The following APAF1 variants were observed in gnomAD, a reference collection of about 807,000 sequenced individuals.
APAF1 encodes apoptotic protease-activating factor 1.
Under a neutral mutation model 152.4 loss-of-function variants are expected in APAF1, and 91 were observed. That is an observed-to-expected ratio of 0.60 (90% CI 0.50 to 0.71). The LOEUF (loss-of-function observed/expected upper bound fraction) is 0.71, where lower values mean the gene tolerates loss of function less well. Ranked by LOEUF, APAF1 falls within the 30% of genes least tolerant of loss-of-function variation. APAF1 has a pLI of 0.00. For synonymous variants in APAF1, 484 were observed against 494.1 expected (o/e 0.98, Z 0.27); for missense variants, 1,283 against 1,472.0 (o/e 0.87, Z 2.10).
chr12:98,684,062 T>G (rs1466807028), intron 15 of APAF1, among the ~76,000 whole-genome samples: 5 of 152,212 alleles, frequency 3.3e-5, no homozygotes, highest in Non-Finnish European at 4.4e-5. Context: ...CTTTCTTCCT[T>G]GATACCATAC....
chr12:98,710,270 G>A (rs533051534), intron 20 of APAF1, among the ~76,000 whole-genome samples: 60 of 149,266 alleles, frequency 4.0e-4, no homozygotes, highest in African/African-American at 1.1e-3. Flanking sequence ...TGAAGAGCAC[G>A]AATACAGCTT....
At chr12:98,702,391 G>A (rs890339250) in intron 17 of APAF1, among the ~76,000 whole-genome samples, 1 of 151,986 alleles carries the variant, frequency 6.6e-6, no homozygotes, top group Non-Finnish European at 1.5e-5. Context: ...AGCTCCCACT[G>A]GAAGCTTTTT....
At chr12:98,660,143 C>T (rs753697604) in intron 5 of APAF1, among the ~76,000 whole-genome samples, 12 of 152,160 alleles carry the variant, frequency 7.9e-5, no homozygotes, top group East Asian at 3.9e-4. Flanking sequence ...TCCAGGAGTT[C>T]GAGACCAGCA....
intron 16 of APAF1, 45 bp downstream of exon 16, chr12:98,686,918 G>C (rs1168883029): frequency 6.3e-7 from 1 of 1,588,010 alleles, no homozygotes; most frequent in Admixed American, 1.7e-5. Flanking sequence ...TTTATGGAAA[G>C]TCTTATGATT....
intron 13 of APAF1, among the ~76,000 whole-genome samples, chr12:98,678,584 G>C (rs1472168961): frequency 1.3e-5 from 2 of 152,228 alleles, no homozygotes; most frequent in African/African-American, 4.8e-5. Flanking sequence ...AGAGCAGGCA[G>C]GACCCCTTCC....
intron 16 of APAF1, among the ~76,000 whole-genome samples, chr12:98,697,224 A>G (rs2097710890): frequency 6.8e-6 from 1 of 147,558 alleles, no homozygotes; most frequent in Non-Finnish European, 1.5e-5. Flanking sequence ...GAGTAGAGTG[A>G]GGTGACTACC....
intron 1 of APAF1, 24 bp from the exon 2 acceptor site, chr12:98,648,295 A>G (rs1465671227): frequency 7.0e-6 from 11 of 1,567,470 alleles, no homozygotes; most frequent in Non-Finnish European, 9.7e-6. Context: ...TGGCCTGACA[A>G]ATATTTTGGT....
At chr12:98,726,278 G>C (rs2097750485) in intron 25 of APAF1, among the ~76,000 whole-genome samples, 1 of 152,182 alleles carries the variant, frequency 6.6e-6, no homozygotes. Flanking sequence ...GGAAAGAATT[G>C]CATGCTGAAA....
chr12:98,673,427 C>T (rs949317598), intron 12 of APAF1, among the ~76,000 whole-genome samples: 3 of 146,542 alleles, frequency 2.0e-5, no homozygotes, highest in African/African-American at 7.7e-5. Flanking sequence ...CAAAGTGAAG[C>T]TCTGTCTCAA....
chr12:98,727,546 C>CAAAAAAAA (rs10718979), intron 26 of APAF1, among the ~76,000 whole-genome samples: 1 of 116,060 alleles, frequency 8.6e-6, no homozygotes, highest in African/African-American at 3.3e-5. Context: ...CATCCTGTCT[C>CAAAAAAAA]AAAAAAAAAA....
intron 17 of APAF1, among the ~76,000 whole-genome samples, chr12:98,702,344 C>T (rs1375170265): frequency 1.3e-5 from 2 of 151,980 alleles, no homozygotes; most frequent in African/African-American, 4.8e-5. Flanking sequence ...GGATTACAGG[C>T]GTGAGCCACC....
At chr12:98,730,748 G>A (rs1565899869) in intron 26 of APAF1, among the ~76,000 whole-genome samples, 2 of 152,216 alleles carry the variant, frequency 1.3e-5, no homozygotes, top group Non-Finnish European at 2.9e-5. Context: ...AACAGCTGCT[G>A]TAGTGTCCAA....
chr12:98,664,027 T>A (rs563770967), intron 7 of APAF1, among the ~76,000 whole-genome samples: 99 of 151,638 alleles, frequency 6.5e-4, no homozygotes, highest in Admixed American at 8.5e-4. Context: ...TTATTTATTT[T>A]ATTTATTTTT....
chr12:98,657,270 C>G (rs1017902352), intron 4 of APAF1, among the ~76,000 whole-genome samples: 1 of 152,174 alleles, frequency 6.6e-6, no homozygotes, highest in Non-Finnish European at 1.5e-5. Flanking sequence ...ACTATCAGTC[C>G]TCTCCTAGAC....
intron 11 of APAF1, 73 bp downstream of exon 11, chr12:98,671,159 A>G: frequency 1.1e-6 from 1 of 950,152 alleles, no homozygotes; most frequent in South Asian, 1.4e-5. Context: ...TCTAGATTTA[A>G]TGATGGGAAT....
rs374919923 is a variant in APAF1, at chr12:98,653,235, A to G, written c.526+3551A>G. 2.0e-5 allele frequency among the ~76,000 whole-genome samples: 3 copies of G among 152,292 alleles called. No individual in the cohort carries two copies. In the South Asian group the frequency reaches 6.2e-4, roughly 32 times the overall value. On this transcript the variant is annotated intron_variant, in intron 4 of 26. Transcript: ENST00000551964. ...CAGGAACATTGGATTTTTGACATTTAATTGTATTGCAAAACCTTTTCTTTT... is the reference window on the plus strand; with the variant it reads ...CAGGAACATTGGATTTTTGACATTTGATTGTATTGCAAAACCTTTTCTTTT...
At chr12:98,728,637 C>T (rs2097754891) in intron 26 of APAF1, among the ~76,000 whole-genome samples, 1 of 152,176 alleles carries the variant, frequency 6.6e-6, no homozygotes, top group Admixed American at 6.5e-5. Flanking sequence ...GTGAGACTCA[C>T]TTGAACCCCG....
At chr12:98,694,572 T>G (rs1004838865) in intron 16 of APAF1, among the ~76,000 whole-genome samples, 2 of 152,170 alleles carry the variant, frequency 1.3e-5, no homozygotes, top group African/African-American at 4.8e-5. Flanking sequence ...TTTTAAGTAT[T>G]CATTCTTGTG....
In APAF1 at chr12:98,727,308, T is replaced by A. The variant is rs2097751993; in HGVS notation, c.3592T>A (p.Tyr1198Asn). ...DGKMLISAGGYIKWWNVVTGE... is the reference protein window; with the variant it reads ...DGKMLISAGGNIKWWNVVTGE... ...CAAAATGCTTATCTCTGCTGGAGGA[T>A]ATATTAAGGTAAGAGTTCCCCAAGA... Residue 1198 changes from tyrosine to asparagine, a missense_variant, in exon 26 of 27, where the codon TAT (tyrosine) becomes AAT (asparagine). By Grantham distance (143) the Tyr-to-Asn change is moderately radical. Coordinates refer to ENST00000551964, the MANE Select transcript of APAF1 (RefSeq NM_181861.2). 6.2e-7 allele frequency: 1 copy of A among 1,613,952 alleles called. No individual in the cohort carries two copies. Among genetic ancestry groups the A allele is most frequent in the Non-Finnish European group, 8.5e-7 (1 of 1,179,986 alleles).
Sources: gnomAD v4.1 joint callset for allele counts (sites outside exome capture counted in the v4.1 genomes callset) on GRCh38, gnomAD v4.1.1 for gene constraint, MANE v1.5 for transcripts, NCBI Gene and HGNC (gene_info 2026-07-23, HGNC 2026-07-21) for gene names.